Variants in FLI1 observed in about 807,000 individuals in gnomAD.
The protein encoded by FLI1 is Fli-1 proto-oncogene, ETS transcription factor.
A neutral mutation model predicts 53.1 loss-of-function variants in FLI1; 13 were observed. The observed-to-expected ratio is 0.24, with a 90% CI of 0.16 to 0.39. FLI1 has a LOEUF of 0.39. Ranked by LOEUF, FLI1 falls within the 10% of genes least tolerant of loss-of-function variation. The pLI, the probability that FLI1 is intolerant of heterozygous loss-of-function variation, is 1.00. For missense variants in FLI1, 424 were observed against 600.5 expected (o/e 0.71, Z 3.07); for synonymous variants, 244 against 236.7 (o/e 1.03, Z -0.28).
chr11:128,777,862 G>A (rs768988592), intron 4 of FLI1, among the ~76,000 whole-genome samples: 18 of 152,204 alleles, frequency 1.2e-4, no homozygotes, highest in Non-Finnish European at 1.6e-4. Context: ...AGGTGTCCCC[G>A]ATGAAAAGCA....
intron 1 of FLI1, among the ~76,000 whole-genome samples, chr11:128,707,189 C>T (rs1938581522): frequency 6.6e-6 from 1 of 152,108 alleles, no homozygotes. Flanking sequence ...CTGTCAATAG[C>T]CCTGTACCCA....
At chr11:128,744,577 A>T (rs1039300243) in intron 1 of FLI1, among the ~76,000 whole-genome samples, 1 of 152,206 alleles carries the variant, frequency 6.6e-6, no homozygotes, top group Non-Finnish European at 1.5e-5. Context: ...TAGATGTAGA[A>T]TTCAGATCCT....
At chr11:128,785,621 T>A (rs1357375312) in intron 5 of FLI1, among the ~76,000 whole-genome samples, 2 of 152,248 alleles carry the variant, frequency 1.3e-5, no homozygotes, top group Non-Finnish European at 2.9e-5. Flanking sequence ...TTTCCCACTG[T>A]CAGCTCCATC....
intron 1 of FLI1, among the ~76,000 whole-genome samples, chr11:128,707,387 C>T (rs1938591333): frequency 6.6e-6 from 1 of 152,202 alleles, no homozygotes; most frequent in South Asian, 2.1e-4. Flanking sequence ...CAACATAGGA[C>T]TTCCCTAGAG....
chr11:128,793,356 G>A (rs61909388), intron 5 of FLI1, among the ~76,000 whole-genome samples: 15,302 of 151,838 alleles, frequency 0.1, 927 homozygotes, highest in East Asian at 0.27. Context: ...GCCCCACCCT[G>A]CCCCGTGTCC....
At chr11:128,744,437 A>C (rs1940286488) in intron 1 of FLI1, among the ~76,000 whole-genome samples, 1 of 152,228 alleles carries the variant, frequency 6.6e-6, no homozygotes, top group South Asian at 2.1e-4. Context: ...TAAGATGATT[A>C]CATTTAGGGA....
upstream of FLI1, among the ~76,000 whole-genome samples, chr11:128,689,862 C>G (rs1172156790): frequency 6.6e-6 from 1 of 152,208 alleles, no homozygotes; most frequent in Non-Finnish European, 1.5e-5. Flanking sequence ...CCGCCCGCCC[C>G]CGGCCCTCCC....
intron 1 of FLI1, among the ~76,000 whole-genome samples, chr11:128,736,169 C>T (rs1004015814): frequency 6.6e-6 from 1 of 151,974 alleles, no homozygotes; most frequent in Non-Finnish European, 1.5e-5. Flanking sequence ...AGTCCCCACC[C>T]TCCACCCCCG....
At chr11:128,695,897 G>C (rs1938052437) in intron 1 of FLI1, 1 of 152,240 alleles carries the variant, frequency 6.6e-6, no homozygotes, top group Non-Finnish European at 1.5e-5. Context: ...CCCCAATCAG[G>C]ACAGTTACCA....
At chr11:128,792,045 A>G (rs987872778) in intron 5 of FLI1, among the ~76,000 whole-genome samples, 1 of 152,216 alleles carries the variant, frequency 6.6e-6, no homozygotes, top group Non-Finnish European at 1.5e-5. Context: ...AGCACCTACT[A>G]TGTGCCAAGA....
At chr11:128,765,972 G>A (rs971647994) in intron 2 of FLI1, among the ~76,000 whole-genome samples, 2 of 152,246 alleles carry the variant, frequency 1.3e-5, no homozygotes, top group Non-Finnish European at 2.9e-5. Flanking sequence ...CTGTGCATGT[G>A]TGTTGAAGTG....
rs11297252 is a variant in FLI1, at chr11:128,694,497, GC to G, written c.18+226del. On this transcript the variant is annotated intron_variant, in intron 1 of 8. Transcript: ENST00000527786. ...AGGGCGACCCTCCCCCGAAATCCCA[GC>G]CCCCAAAGTGGAGCCCCGGCCCCCC... 1 allele frequency among the ~76,000 whole-genome samples: 152,164 copies of G among 152,164 alleles called. 76,082 individuals carry two copies. The highest frequency in any genetic ancestry group is 1 in the Non-Finnish European group (67,962 of 67,962).
intron 1 of FLI1, among the ~76,000 whole-genome samples, chr11:128,699,388 A>G (rs1404335917): frequency 6.6e-6 from 1 of 152,236 alleles, no homozygotes; most frequent in East Asian, 1.9e-4. Context: ...TACTTAAAAC[A>G]TTCCTTTTAA....
chr11:128,751,196 A>C (rs751304968), intron 1 of FLI1, among the ~76,000 whole-genome samples: 2 of 152,210 alleles, frequency 1.3e-5, no homozygotes, highest in African/African-American at 2.4e-5. Context: ...TATCATCACC[A>C]AATCTACTTA....
At position 128,772,735 on chromosome 11, in the gene FLI1, C is replaced by A. The variant is rs756751046; in HGVS notation, c.386-47C>A. 5 of 1,521,200 alleles carry A rather than the reference C, an allele frequency of 3.3e-6. No individual in the cohort carries two copies. In the South Asian group the frequency reaches 3.4e-5, roughly 10 times the overall value. The allele number at this position is 1,521,200 out of a possible 1,614,324, so 94.2% of individuals were successfully genotyped here. On this transcript the variant is annotated intron_variant, in intron 3 of 8. Coordinates refer to ENST00000527786, the MANE Select transcript of FLI1 (RefSeq NM_002017.5). The stretch of plus-strand genomic sequence containing the variant: ...GGAGGCTGCCTAGGCTCTCAGGGAG[C>A]CTCTACCTTCCTGCAGTCCTTGCTA...
chr11:128,763,224 G>A (rs553209278), intron 2 of FLI1, among the ~76,000 whole-genome samples: 1 of 152,330 alleles, frequency 6.6e-6, no homozygotes, highest in Admixed American at 6.5e-5. Flanking sequence ...TGGCCCAGGA[G>A]CAAAGGGTCA....
chr11:128,686,081 C>G, upstream of FLI1: 1 of 319,996 alleles, frequency 3.1e-6, no homozygotes, highest in South Asian at 2.5e-5. Context: ...CCTCCGTCCC[C>G]GGGCCACCAG....
chr11:128,800,372 G>C (rs191334659), intron 5 of FLI1, among the ~76,000 whole-genome samples: 3 of 152,344 alleles, frequency 2.0e-5, no homozygotes. Flanking sequence ...AGGATGAAGA[G>C]AGAGGCTTTT....
At chr11:128,745,893 G>A (rs1940366891) in intron 1 of FLI1, among the ~76,000 whole-genome samples, 1 of 152,162 alleles carries the variant, frequency 6.6e-6, no homozygotes, top group African/African-American at 2.4e-5. Context: ...TAAGGGCCCC[G>A]GTTACCATGG....
Sources: gnomAD v4.1 joint callset for allele counts (sites outside exome capture counted in the v4.1 genomes callset) on GRCh38, gnomAD v4.1.1 for gene constraint, MANE v1.5 for transcripts, NCBI Gene and HGNC (gene_info 2026-07-23, HGNC 2026-07-21) for gene names.